AEBP2: variants seen among roughly 807,000 people sequenced by gnomAD.
The protein encoded by AEBP2 is AE binding protein 2, also known as zinc finger protein AEBP2.
Under a neutral mutation model 50.8 loss-of-function variants are expected in AEBP2, and 10 were observed. The observed-to-expected ratio is 0.20, with a 90% CI of 0.12 to 0.33. The LOEUF is 0.33. Ranked by LOEUF, AEBP2 falls within the 10% of genes least tolerant of loss-of-function variation. The pLI is 1.00. For missense variants in AEBP2, 570 were observed against 688.0 expected (o/e 0.83, Z 1.92); for synonymous variants, 296 against 261.3 (o/e 1.13, Z -1.28).
intron 1 of AEBP2, among the ~76,000 whole-genome samples, chr12:19,430,758 T>C (rs1460023745): frequency 6.6e-6 from 1 of 152,218 alleles, no homozygotes; most frequent in Non-Finnish European, 1.5e-5. Flanking sequence ...GGGAGTTCAC[T>C]CATGATTTGG....
At chr12:19,488,224 G>T (rs1948842294) in intron 3 of AEBP2, among the ~76,000 whole-genome samples, 1 of 151,058 alleles carries the variant, frequency 6.6e-6, no homozygotes, top group South Asian at 2.1e-4. Flanking sequence ...CCTGGGCTCA[G>T]GTGGTCCTCC....
At chr12:19,424,808 GACC>G (rs2095747688) in intron 1 of AEBP2, among the ~76,000 whole-genome samples, 1 of 151,620 alleles carries the variant, frequency 6.6e-6, no homozygotes, top group Non-Finnish European at 1.5e-5. Flanking sequence ...AGGAGTTCAA[GACC>G]AGCCTGGCCA....
chr12:19,457,395 C>G (rs1592731954), intron 1 of AEBP2: 1 of 1,443,650 alleles, frequency 6.9e-7, no homozygotes, highest in East Asian at 2.3e-5. Flanking sequence ...AGTCACGTAG[C>G]ACTTGCTGTT....
At chr12:19,421,628 A>G (rs1353480474) in intron 1 of AEBP2, among the ~76,000 whole-genome samples, 1 of 152,208 alleles carries the variant, frequency 6.6e-6, no homozygotes, top group African/African-American at 2.4e-5. Context: ...TCTCAAAAAA[A>G]TAAAACAAAA....
chr12:19,491,963 A>C (rs569333154), intron 3 of AEBP2, among the ~76,000 whole-genome samples: 19 of 152,236 alleles, frequency 1.2e-4, no homozygotes, highest in African/African-American at 4.6e-4. Flanking sequence ...GATTTTTACA[A>C]ATAAAGGGCT....
At chr12:19,496,164 G>C (rs1444406042) in intron 4 of AEBP2, among the ~76,000 whole-genome samples, 1 of 151,996 alleles carries the variant, frequency 6.6e-6, no homozygotes, top group Non-Finnish European at 1.5e-5. Context: ...GCTACTCTTT[G>C]TCTTGTAAAG....
At chr12:19,484,899 C>A (rs893579908) in intron 3 of AEBP2, among the ~76,000 whole-genome samples, 4 of 152,060 alleles carry the variant, frequency 2.6e-5, no homozygotes, top group Non-Finnish European at 5.9e-5. Flanking sequence ...CCAGTGTTTC[C>A]TGTAGTCATA....
intron 7 of AEBP2, among the ~76,000 whole-genome samples, chr12:19,515,472 G>A (rs550685187): frequency 1.6e-4 from 25 of 152,174 alleles, no homozygotes; most frequent in Admixed American, 8.5e-4. Context: ...AAGTTTGCAC[G>A]AATGTGGTTG....
Position 19,418,351 on chromosome 12 carries a change from A to T in AEBP2, c.-17+14135A>T, listed in dbSNP as rs550414105. On this transcript the variant is annotated intron_variant, in intron 1 of 3. Transcript: ENST00000538425. ...GTGATCCTCCCACCTCAGCCTCCTG[A>T]GTACCTGGGACTACAGGTGCATGCT... 1.2e-4 allele frequency among the ~76,000 whole-genome samples: 18 copies of T among 145,354 alleles called. No homozygotes were observed. In the Middle Eastern group the frequency reaches 0.011, roughly 88 times the overall value.
chr12:19,456,890 G>T, intron 1 of AEBP2: 1 of 1,459,248 alleles, frequency 6.9e-7, no homozygotes, highest in East Asian at 2.3e-5. Context: ...TCCTGGAGAG[G>T]CAGGCAAAGG....
chr12:19,460,716 G>A (rs1320824041), intron 1 of AEBP2, among the ~76,000 whole-genome samples: 7 of 147,468 alleles, frequency 4.7e-5, no homozygotes, highest in Admixed American at 6.9e-5. Context: ...GTCCAGTGCC[G>A]CTATCTCTGC....
chr12:19,515,265 CT>C (rs1031465673), intron 7 of AEBP2, among the ~76,000 whole-genome samples: 5 of 152,016 alleles, frequency 3.3e-5, no homozygotes, highest in African/African-American at 7.2e-5. Context: ...ATGTTTTGAG[CT>C]TTTTTTAGTG....
At chr12:19,491,318 G>A (rs1311554900) in intron 3 of AEBP2, among the ~76,000 whole-genome samples, 1 of 152,180 alleles carries the variant, frequency 6.6e-6, no homozygotes, top group East Asian at 1.9e-4. Flanking sequence ...TCTTAGGGTT[G>A]TTGTATGAAT....
chr12:19,484,538 C>A (rs1272416920), intron 3 of AEBP2, among the ~76,000 whole-genome samples: 3 of 151,880 alleles, frequency 2.0e-5, no homozygotes, highest in Non-Finnish European at 4.4e-5. Context: ...CCACGCCCAG[C>A]TAATTTTTGT....
intron 1 of AEBP2, among the ~76,000 whole-genome samples, chr12:19,410,531 C>T (rs973668700): frequency 6.6e-6 from 1 of 152,130 alleles, no homozygotes; most frequent in Non-Finnish European, 1.5e-5. Context: ...ACAGCCAATT[C>T]GAATACCCTG....
At chr12:19,423,094 A>AAAAAAAAAAAAAT in intron 1 of AEBP2, among the ~76,000 whole-genome samples, 1 of 146,666 alleles carries the variant, frequency 6.8e-6, no homozygotes, top group South Asian at 2.3e-4. Flanking sequence ...AAAAAAAAAA[A>AAAAAAAAAAAAAT]GAACATCTGA....
chr12:19,413,291 G>A, intron 1 of AEBP2: 11 of 1,300,140 alleles, frequency 8.5e-6, no homozygotes, highest in Non-Finnish European at 5.6e-6. Flanking sequence ...AAAAACTAAA[G>A]CAGTAGAGAA....
chr12:19,456,191 G>C (rs1948267150), intron 1 of AEBP2: 1 of 1,255,906 alleles, frequency 8.0e-7, no homozygotes, highest in African/African-American at 1.5e-5. Context: ...ACAGTTCTGA[G>C]ACCATTCTTC....
rs1948415773 is a variant in AEBP2 at position 19,463,591 on chromosome 12, T to C, written c.879+874T>C. 2.0e-5 allele frequency among the ~76,000 whole-genome samples: 3 copies of C among 151,904 alleles called. No homozygotes were observed. In the South Asian group the frequency reaches 6.2e-4, roughly 31 times the overall value. On this transcript the variant is annotated intron_variant, in intron 2 of 7. Transcript: ENST00000266508. ...CAAGGTTCTGTTGATATTTAGAGTA[T>C]AGTATTGATCTTTTTTTTTTAAACA...
Sources: allele counts gnomAD v4.1 joint callset (sites outside exome capture counted in the v4.1 genomes callset), GRCh38; gene constraint gnomAD v4.1.1; transcripts MANE v1.5; gene names NCBI Gene and HGNC (gene_info 2026-07-23, HGNC 2026-07-21).